CERKL: variants seen among roughly 807,000 people sequenced by gnomAD.
The protein encoded by CERKL is ceramide kinase-like protein.
CERKL carries 61 observed loss-of-function variants against 63.4 expected under a neutral mutation model. That is an observed-to-expected ratio of 0.96 (90% CI 0.78 to 1.19). CERKL has a LOEUF of 1.19. Among genes scored for constraint, CERKL ranks in the 50% most tolerant of loss-of-function variants. CERKL has a pLI of 0.00. For synonymous variants in CERKL, 250 were observed against 230.5 expected (o/e 1.08, Z -0.77); for missense variants, 675 against 655.5 (o/e 1.03, Z -0.33).
rs907281117 is a variant in CERKL at position 181,603,991 on chromosome 2, A to C, written c.327T>G (p.Val109=). 16 of 1,613,234 alleles carry C rather than the reference A, an allele frequency of 9.9e-6. No individual in the cohort carries two copies. The African/African-American group carries it at 2.1e-4, about 22-fold the overall frequency. ...FSVKLKRRCS[V]KQQRSGTLLG... ...ATAAAGTACCACTTCTCTGCTGTTT[A>C]ACAGAACAACGCCGTTTCAGTTTCA... is the stretch of plus-strand genomic sequence containing the variant. Residue 109 remains valine, a synonymous_variant, in exon 2 of 13, where the codon GTT becomes GTG. Coordinates refer to ENST00000410087, the MANE Select transcript of CERKL (RefSeq NM_201548.5).
intron 1 of CERKL, among the ~76,000 whole-genome samples, chr2:181,652,995 G>A (rs1029725314): frequency 2.0e-5 from 3 of 152,140 alleles, no homozygotes; most frequent in Non-Finnish European, 2.9e-5. Flanking sequence ...GGATGGTCTC[G>A]ATCTTCTGAC....
At position 181,537,211 on chromosome 2, in the gene CERKL, G is replaced by T. The variant is rs1559063081; in HGVS notation, c.*973C>A. 2.2e-6 allele frequency: 1 copy of T among 453,064 alleles called. No individual in the cohort carries two copies. Among genetic ancestry groups the T allele is most frequent in the Non-Finnish European group, 4.4e-6 (1 of 226,026 alleles). The allele number at this position is 453,064 out of a possible 1,614,324, so 28.1% of individuals were successfully genotyped here. A position where few individuals can be genotyped will look rare whatever the true frequency, so the allele number is the denominator to read the frequency against. ...AGATGAAAAATCAAGCCCCGATTTA[G>T]AACTGTCTTCTCCAGGATGGTCTCT... On this transcript the variant is annotated 3_prime_UTR_variant, in exon 13 of 13. Coordinates refer to ENST00000410087, the MANE Select transcript of CERKL (RefSeq NM_201548.5).
rs1045966575 is a variant in CERKL at position 181,537,474 on chromosome 2, C to T, written c.*710G>A. 3.3e-5 allele frequency: 15 copies of T among 450,942 alleles called. No individual in the cohort carries two copies. The highest frequency in any genetic ancestry group is 6.9e-5 in the East Asian group (1 of 14,390). The allele number at this position is 450,942 out of a possible 1,614,324, so 27.9% of individuals were successfully genotyped here. A position where few individuals can be genotyped will look rare whatever the true frequency, so the allele number is the denominator to read the frequency against. ...TTAAAACCCTACCACTTTAAGAAGACAGGGATGGGTTATTCTTTTTTGGCA... is the reference window on the plus strand; with the variant it reads ...TTAAAACCCTACCACTTTAAGAAGATAGGGATGGGTTATTCTTTTTTGGCA... On this transcript the variant is annotated 3_prime_UTR_variant, in exon 13 of 13. Coordinates refer to ENST00000410087, the MANE Select transcript of CERKL (RefSeq NM_201548.5).
At chr2:181,654,250 G>A (rs1245857757) in intron 1 of CERKL, among the ~76,000 whole-genome samples, 1 of 151,544 alleles carries the variant, frequency 6.6e-6, no homozygotes, top group Admixed American at 6.6e-5. Flanking sequence ...CTTCTACAGG[G>A]AAGGGTAATA....
At chr2:181,585,300 TATAA>T (rs1264605490) in intron 2 of CERKL, among the ~76,000 whole-genome samples, 22 of 152,042 alleles carry the variant, frequency 1.4e-4, no homozygotes, top group Non-Finnish European at 2.9e-4. Flanking sequence ...GCCCAATAAA[TATAA>T]ATAAATAACT....
At chr2:181,654,031 A>G (rs1220257780) in intron 1 of CERKL, among the ~76,000 whole-genome samples, 3 of 152,190 alleles carry the variant, frequency 2.0e-5, no homozygotes, top group African/African-American at 7.2e-5. Context: ...ATATACAATT[A>G]CAATGTGTCA....
At chr2:181,642,551 C>G (rs1348594790) in intron 1 of CERKL, among the ~76,000 whole-genome samples, 2 of 152,122 alleles carry the variant, frequency 1.3e-5, no homozygotes, top group Non-Finnish European at 2.9e-5. Flanking sequence ...GAAACACTTT[C>G]CAGACCTTAT....
Position 181,657,040 on chromosome 2 carries a change from C to G in CERKL, c.-34G>C, listed in dbSNP as rs991710072. The G allele has an allele frequency of 6.5e-7, 1 of 1,542,588 alleles. No homozygotes were observed. Among genetic ancestry groups the G allele is most frequent in the Non-Finnish European group, 8.8e-7 (1 of 1,142,082 alleles). On this transcript the variant is annotated 5_prime_UTR_variant, in exon 1 of 13. Transcript: ENST00000410087. ...CGCAGGCTGGGCCCGAGCCAGGGGT[C>G]CGGGGAGGCCTTTGGAGAAGGAGGT...
rs141259450 is a variant in CERKL at position 181,555,360 on chromosome 2, C to T, written c.820+3206G>A. On this transcript the variant is annotated intron_variant, in intron 5 of 12. Coordinates refer to ENST00000410087, the MANE Select transcript of CERKL (RefSeq NM_201548.5). ...AGCAAAAAGGTCAAGAAATAAAATG[C>T]CATGAAAAGATGGCCCAAAATGCAT... Among the ~76,000 whole-genome samples the T allele has an allele frequency of 7.3e-3, 1,105 of 152,212 alleles. 4 individuals are homozygous for T. The highest frequency in any genetic ancestry group is 0.024 in the Middle Eastern group (7 of 294).
At chr2:181,593,715 TCA>T (rs1296810167) in intron 2 of CERKL, among the ~76,000 whole-genome samples, 4 of 151,990 alleles carry the variant, frequency 2.6e-5, no homozygotes, top group Non-Finnish European at 5.9e-5. Flanking sequence ...ACCAAATTTA[TCA>T]GTTTCTCATC....
Position 181,558,610 on chromosome 2 carries a change from A to C in CERKL, c.776T>G (p.Leu259Arg). The stretch of plus-strand genomic sequence containing the variant: ...TGGAAGCTGTGCTCTGACAGGAGTC[A>C]GGATTCGGTCTGTTTCCATCCCAGC... ...KNAGMETDRILTPVRAQLPLG... is the reference protein window; with the variant it reads ...KNAGMETDRIRTPVRAQLPLG... The change falls in exon 5 of 13, where the codon CTG becomes CGG. Residue 259 changes from leucine (L) to arginine (R), a missense_variant. Leu to Arg is a moderately radical substitution (Grantham distance 102). Transcript: ENST00000410087. This position sits in a 1 kb window ranked among gnomAD's most constrained non-coding sequence, Gnocchi z 4.2. 1 of 1,613,814 alleles carries C rather than the reference A, an allele frequency of 6.2e-7. No individual in the cohort carries two copies. Among genetic ancestry groups the C allele is most frequent in the Non-Finnish European group, 8.5e-7 (1 of 1,179,844 alleles).
chr2:181,654,401 C>T (rs535385555), intron 1 of CERKL, among the ~76,000 whole-genome samples: 113 of 152,282 alleles, frequency 7.4e-4, no homozygotes, highest in Non-Finnish European at 1.3e-3. Flanking sequence ...ACATTAATGT[C>T]TTTGCTTATT....
At chr2:181,627,212 G>A (rs957537319) in intron 1 of CERKL, among the ~76,000 whole-genome samples, 38 of 152,116 alleles carry the variant, frequency 2.5e-4, no homozygotes, top group African/African-American at 7.5e-4. Context: ...GAAACTAACC[G>A]TCACGTGGAC....
intron 2 of CERKL, 46 bp from the exon 3 acceptor site, chr2:181,573,930 T>TC: frequency 6.4e-7 from 1 of 1,560,142 alleles, no homozygotes; most frequent in Non-Finnish European, 8.8e-7. Flanking sequence ...CTTGTCATCA[T>TC]TTTTTTTCTT....
chr2:181,656,091 A>C (rs554838324), intron 1 of CERKL, among the ~76,000 whole-genome samples: 1 of 152,350 alleles, frequency 6.6e-6, no homozygotes, highest in South Asian at 2.1e-4. Flanking sequence ...TTTTAAGTCA[A>C]TAAAAGGCAA....
chr2:181,637,630 C>T (rs961489615), intron 1 of CERKL, among the ~76,000 whole-genome samples: 6 of 151,886 alleles, frequency 4.0e-5, no homozygotes, highest in Non-Finnish European at 8.8e-5. Flanking sequence ...ATAAGCTTTC[C>T]TACCTACAGG....
intron 2 of CERKL, among the ~76,000 whole-genome samples, chr2:181,595,583 C>G (rs1269288549): frequency 6.6e-6 from 1 of 152,120 alleles, no homozygotes; most frequent in Admixed American, 6.6e-5. Context: ...TAGAATGACA[C>G]ATCAGTTAAG....
At chr2:181,597,249 T>C (rs1320901927) in intron 2 of CERKL, among the ~76,000 whole-genome samples, 1 of 152,354 alleles carries the variant, frequency 6.6e-6, no homozygotes, top group East Asian at 1.9e-4. Flanking sequence ...ATATTTTCAG[T>C]TACAATTCTG....
At chr2:181,632,177 G>A (rs930065636) in intron 1 of CERKL, among the ~76,000 whole-genome samples, 8 of 152,168 alleles carry the variant, frequency 5.3e-5, no homozygotes, top group African/African-American at 1.7e-4. Flanking sequence ...TAAACTTTGA[G>A]AAGTATTATT....
Sources: allele counts gnomAD v4.1 joint callset (sites outside exome capture counted in the v4.1 genomes callset), GRCh38; gene constraint gnomAD v4.1.1; non-coding constraint Gnocchi (gnomAD v3.1); transcripts MANE v1.5; gene names NCBI Gene and HGNC (gene_info 2026-07-23, HGNC 2026-07-21).